ACMSD: variants seen among roughly 807,000 people sequenced by gnomAD.
ACMSD encodes aminocarboxymuconate semialdehyde decarboxylase.
A neutral mutation model predicts 45.9 loss-of-function variants in ACMSD; 37 were observed. The observed-to-expected ratio is 0.81, with a 90% CI of 0.62 to 1.06. The LOEUF (loss-of-function observed/expected upper bound fraction) is 1.06. ACMSD is among the 50% of genes least tolerant of loss of function. ACMSD has a pLI of 0.00. For missense variants in ACMSD, 434 were observed against 420.9 expected (o/e 1.03, Z -0.27); for synonymous variants, 138 against 148.8 (o/e 0.93, Z 0.53).
At chr2:134,862,149 G>A (rs980926662) in intron 4 of ACMSD, 131 bp downstream of exon 4, 41 of 940,828 alleles carry the variant, frequency 4.4e-5, no homozygotes, top group Admixed American at 4.3e-4. Flanking sequence ...CCCCTTTAGC[G>A]ATCAGCAGGG....
chr2:134,845,408 G>C (rs949435432), intron 2 of ACMSD, 131 bp downstream of exon 2: 21 of 893,470 alleles, frequency 2.4e-5, no homozygotes, highest in African/African-American at 2.2e-4. Flanking sequence ...GTAGACAAGG[G>C]AACAGCACTG....
intron 2 of ACMSD, among the ~76,000 whole-genome samples, chr2:134,847,198 T>G (rs913325048): frequency 6.6e-6 from 1 of 152,018 alleles, no homozygotes; most frequent in African/African-American, 2.4e-5. Context: ...AAAAGACCAC[T>G]TTGGTTGCTC....
At chr2:134,888,993 T>C (rs966642866) in intron 8 of ACMSD, among the ~76,000 whole-genome samples, 1 of 152,202 alleles carries the variant, frequency 6.6e-6, no homozygotes, top group Non-Finnish European at 1.5e-5. Flanking sequence ...TTTTACTCTA[T>C]GTAACTATTA....
Position 134,847,125 on chromosome 2 carries a change from G to T in ACMSD, c.102+1848G>T, listed in dbSNP as rs560972641. 2.0e-5 allele frequency among the ~76,000 whole-genome samples: 3 copies of T among 152,304 alleles called. No individual in the cohort carries two copies. The East Asian group carries it at 5.8e-4, about 29-fold the overall frequency. On this transcript the variant is annotated intron_variant, in intron 2 of 9. Transcript: ENST00000356140. ...AGCCACATGGGGACTTGCAGGGCAC[G>T]CTAAAGAGTCTGGATTGCATTCTCA...
intron 2 of ACMSD, chr2:134,857,798 A>C (rs1475575502): frequency 6.6e-6 from 1 of 150,480 alleles, no homozygotes; most frequent in Non-Finnish European, 1.5e-5. Context: ...TTTCACCATC[A>C]AGTATGATGT....
intron 8 of ACMSD, among the ~76,000 whole-genome samples, chr2:134,874,301 T>C (rs1688619862): frequency 2.0e-5 from 3 of 152,334 alleles, no homozygotes; most frequent in South Asian, 4.1e-4. Flanking sequence ...CAAAAGCAAA[T>C]GTGACCTTAT....
At chr2:134,846,890 T>C (rs922710423) in intron 2 of ACMSD, among the ~76,000 whole-genome samples, 2 of 152,110 alleles carry the variant, frequency 1.3e-5, no homozygotes, top group Non-Finnish European at 2.9e-5. Context: ...AGCGATGTGA[T>C]AGAGAGCAAG....
intron 8 of ACMSD, among the ~76,000 whole-genome samples, chr2:134,894,137 T>C (rs1559070543): frequency 6.6e-6 from 1 of 151,600 alleles, no homozygotes; most frequent in Non-Finnish European, 1.5e-5. Context: ...ATAAAAGAAA[T>C]AGATTATAGA....
Position 134,859,297 on chromosome 2 carries a change from A to G in ACMSD, c.139A>G (p.Arg47Gly), listed in dbSNP as rs750385746. The G allele has an allele frequency of 6.2e-7, 1 of 1,614,146 alleles. No individual in the cohort carries two copies. The highest frequency in any genetic ancestry group is 1.1e-5 in the South Asian group (1 of 91,074). The change falls in exon 3 of 10, where the codon AGA becomes GGA. Residue 47 changes from arginine to glycine, a missense_variant. Arg to Gly is a moderately radical substitution (Grantham distance 125, BLOSUM62 -2). Transcript: ENST00000356140. ...GTTGTTGAAAGATGGGAAAGTCTTC[A>G]GAGTGGTGCGAGAGAATTGCTGGGA... Reference protein sequence around the residue: ...AKLLKDGKVFRVVRENCWDPE... With the variant: ...AKLLKDGKVFGVVRENCWDPE...
intron 6 of ACMSD, chr2:134,869,129 C>A (rs1347948223): frequency 6.6e-6 from 1 of 152,154 alleles, no homozygotes; most frequent in African/African-American, 2.4e-5. Flanking sequence ...TGAGATAACC[C>A]AAGATGCCCA....
chr2:134,847,444 A>AGATAGG (rs1687114950), intron 2 of ACMSD, among the ~76,000 whole-genome samples: 1 of 146,798 alleles, frequency 6.8e-6, no homozygotes, highest in Non-Finnish European at 1.5e-5. Flanking sequence ...AGATAGATAG[A>AGATAGG]TAGATATAGA....
chr2:134,899,420 T>C (rs1690369435), intron 9 of ACMSD, among the ~76,000 whole-genome samples: 1 of 152,126 alleles, frequency 6.6e-6, no homozygotes, highest in African/African-American at 2.4e-5. Flanking sequence ...CTACTAAATA[T>C]TGTTAAATAT....
chr2:134,845,093 A>G, intron 1 of ACMSD, 140 bp from the exon 2 acceptor site: 1 of 766,198 alleles, frequency 1.3e-6, no homozygotes, highest in Non-Finnish European at 2.3e-6. Flanking sequence ...GTAAATACTA[A>G]ATAGGCGATA....
At chr2:134,871,111 C>A in intron 7 of ACMSD, 51 bp downstream of exon 7, 1 of 1,458,926 alleles carries the variant, frequency 6.9e-7, no homozygotes, top group Non-Finnish European at 9.6e-7. Flanking sequence ...CAAAATCCCA[C>A]AGATGGGGTG....
intron 5 of ACMSD, among the ~76,000 whole-genome samples, chr2:134,866,324 G>A (rs915238826): frequency 6.6e-6 from 1 of 151,864 alleles, no homozygotes; most frequent in Non-Finnish European, 1.5e-5. Flanking sequence ...AACCACCAGA[G>A]GCACATAGAA....
intron 1 of ACMSD, 42 bp from the exon 2 acceptor site, chr2:134,845,188 CTGG>C (rs1686992010): frequency 6.2e-7 from 1 of 1,611,862 alleles, no homozygotes; most frequent in African/African-American, 1.3e-5. Flanking sequence ...TGATTGCAGC[CTGG>C]TCTTTGCTCT....
At chr2:134,891,479 G>GA (rs1450709249) in intron 8 of ACMSD, among the ~76,000 whole-genome samples, 2 of 151,916 alleles carry the variant, frequency 1.3e-5, no homozygotes, top group Non-Finnish European at 2.9e-5. Flanking sequence ...ACAAATATGT[G>GA]AAAAAATGTT....
rs752970262 is a variant in ACMSD at position 134,859,361 on chromosome 2, C to T, written c.199+4C>T. ...ATTAGAGAAATGGACCAAAAAGGTA[C>T]GATGAGAAGTGCTACCAATGTTAGC... is the stretch of plus-strand genomic sequence containing the variant. On this transcript the variant is annotated splice_donor_region_variant and intron_variant, in intron 3 of 9. Coordinates refer to ENST00000356140, the MANE Select transcript of ACMSD (RefSeq NM_138326.3). The T allele has an allele frequency of 7.4e-6, 12 of 1,612,664 alleles. No homozygotes were observed. The highest frequency in any genetic ancestry group is 2.2e-5 in the South Asian group (2 of 90,984).
chr2:134,861,382 C>T (rs1687842556), intron 3 of ACMSD, among the ~76,000 whole-genome samples: 1 of 152,148 alleles, frequency 6.6e-6, no homozygotes, highest in South Asian at 2.1e-4. Flanking sequence ...CCTTGGCTGT[C>T]CCTGAGAGAA....
Sources: gnomAD v4.1 joint callset for allele counts (sites outside exome capture counted in the v4.1 genomes callset) on GRCh38, gnomAD v4.1.1 for gene constraint, MANE v1.5 for transcripts, NCBI Gene and HGNC (gene_info 2026-07-23, HGNC 2026-07-21) for gene names.